The following LHPP variants were observed in gnomAD, a reference collection of about 807,000 sequenced individuals.
LHPP encodes the protein hLHPP.
In LHPP, 24 loss-of-function variants were observed where a neutral mutation model predicts 30.3. The ratio of observed to expected loss-of-function variants is 0.79; its 90% CI spans 0.57 to 1.11. The LOEUF (loss-of-function observed/expected upper bound fraction) is 1.11. LHPP is among the 50% of genes most tolerant of loss of function. The pLI, the probability that LHPP is intolerant of heterozygous loss-of-function variation, is 0.00. For missense variants in LHPP, 356 were observed against 367.2 expected (o/e 0.97, Z 0.25); for synonymous variants, 150 against 157.1 (o/e 0.95, Z 0.34).
intron 6 of LHPP, among the ~76,000 whole-genome samples, chr10:124,603,644 G>A (rs1037281022): frequency 3.9e-5 from 6 of 152,328 alleles, no homozygotes; most frequent in East Asian, 1.9e-4. Context: ...AGGGGAGGGC[G>A]GGTCTCCAAG....
At chr10:124,501,508 G>A (rs1375886212) in intron 5 of LHPP, among the ~76,000 whole-genome samples, 1 of 151,078 alleles carries the variant, frequency 6.6e-6, no homozygotes, top group African/African-American at 2.5e-5. Context: ...AGGCTGAGGT[G>A]GGAGAATTGC....
chr10:124,466,246 C>T (rs1952549375), intron 1 of LHPP, among the ~76,000 whole-genome samples: 3 of 152,144 alleles, frequency 2.0e-5, no homozygotes. Flanking sequence ...ACAGCAAGCA[C>T]ACAGCAGGAT....
At chr10:124,589,891 G>T (rs1041038513) in intron 6 of LHPP, among the ~76,000 whole-genome samples, 1 of 152,138 alleles carries the variant, frequency 6.6e-6, no homozygotes. Context: ...GTCTCAGCGC[G>T]CCCTGGCCGC....
intron 1 of LHPP, among the ~76,000 whole-genome samples, chr10:124,467,709 T>TTTTG (rs1554876628): frequency 2.2e-5 from 3 of 133,974 alleles, no homozygotes; most frequent in Admixed American, 7.5e-5. Flanking sequence ...TGTGTGTGTT[T>TTTTG]TTTGTTGTTG....
At chr10:124,474,630 G>A (rs1195668422) in intron 1 of LHPP, among the ~76,000 whole-genome samples, 1 of 152,012 alleles carries the variant, frequency 6.6e-6, no homozygotes, top group Non-Finnish European at 1.5e-5. Context: ...CCAAACAGCA[G>A]GTCCCATCTC....
At chr10:124,602,891 G>A (rs1216769280) in intron 6 of LHPP, among the ~76,000 whole-genome samples, 5 of 152,316 alleles carry the variant, frequency 3.3e-5, no homozygotes, top group East Asian at 1.9e-4. Context: ...GGTTGCAACC[G>A]CCCACACATG....
chr10:124,539,711 G>A (rs1156953268), intron 6 of LHPP, among the ~76,000 whole-genome samples: 4 of 149,134 alleles, frequency 2.7e-5, no homozygotes, highest in Non-Finnish European at 5.9e-5. Flanking sequence ...ACTCTAGCCT[G>A]GGCGACAGAG....
chr10:124,466,564 A>C (rs7906820), intron 1 of LHPP, among the ~76,000 whole-genome samples: 15,647 of 151,938 alleles, frequency 0.1, 2,173 homozygotes, highest in African/African-American at 0.32. Flanking sequence ...TCAAGTGATT[A>C]TCCTGCCTCA....
chr10:124,505,656 A>G (rs532060422), intron 5 of LHPP, among the ~76,000 whole-genome samples: 15 of 152,352 alleles, frequency 9.8e-5, no homozygotes, highest in Admixed American at 3.9e-4. Context: ...GGTTACTTCT[A>G]GAAATATCTA....
chr10:124,489,803 C>A (rs1953465528), intron 3 of LHPP: 2 of 195,674 alleles, frequency 1.0e-5, no homozygotes, highest in South Asian at 7.8e-5. Context: ...TTATTCAATG[C>A]AAAATAACCC....
intron 6 of LHPP, among the ~76,000 whole-genome samples, chr10:124,527,147 C>T (rs1215149977): frequency 2.0e-5 from 3 of 152,234 alleles, no homozygotes; most frequent in Non-Finnish European, 4.4e-5. Flanking sequence ...TGCTGCTCTG[C>T]GGCTCGGGGA....
At chr10:124,490,356 A>C (rs11245177) in intron 3 of LHPP, 48,980 of 288,078 alleles carry the variant, frequency 0.17, 4,768 homozygotes, top group Admixed American at 0.2. Flanking sequence ...GAGATTCTGG[A>C]TCCCCATGTG....
chr10:124,488,893 T>C (rs898254537), intron 3 of LHPP, among the ~76,000 whole-genome samples: 5 of 151,956 alleles, frequency 3.3e-5, no homozygotes, highest in Admixed American at 3.3e-4. Context: ...TTGTCCCAAG[T>C]TTAGAGCAAA....
At chr10:124,471,073 G>A (rs988394412) in intron 1 of LHPP, among the ~76,000 whole-genome samples, 1 of 152,100 alleles carries the variant, frequency 6.6e-6, no homozygotes, top group African/African-American at 2.4e-5. Flanking sequence ...AGAGTGAAAA[G>A]TCCAAGTCCT....
At chr10:124,520,563 G>C (rs1212263132) in intron 6 of LHPP, among the ~76,000 whole-genome samples, 11 of 152,242 alleles carry the variant, frequency 7.2e-5, no homozygotes, top group Non-Finnish European at 2.9e-5. Context: ...TAAAATGTCA[G>C]ACCTTTTGAT....
intron 6 of LHPP, among the ~76,000 whole-genome samples, chr10:124,604,078 A>C (rs994839921): frequency 2.6e-5 from 4 of 152,206 alleles, no homozygotes; most frequent in African/African-American, 9.7e-5. Flanking sequence ...CTGGATGCAC[A>C]GGCTCCATGG....
chr10:124,483,581 C>A (rs1190114107), intron 1 of LHPP, among the ~76,000 whole-genome samples: 1 of 152,042 alleles, frequency 6.6e-6, no homozygotes, highest in Admixed American at 6.6e-5. Flanking sequence ...CATAGTGAAA[C>A]CCCATCTGTA....
intron 6 of LHPP, among the ~76,000 whole-genome samples, chr10:124,607,996 G>C (rs1352996259): frequency 6.6e-6 from 1 of 152,216 alleles, no homozygotes; most frequent in African/African-American, 2.4e-5. Context: ...ACACAGGCCA[G>C]GCAGAGGTGA....
intron 6 of LHPP, among the ~76,000 whole-genome samples, chr10:124,562,035 G>T (rs182922452): frequency 1.3e-5 from 2 of 152,304 alleles, no homozygotes; most frequent in Non-Finnish European, 2.9e-5. Flanking sequence ...GGCCAGGTAC[G>T]GTGGCTCATG....
Sources: allele counts gnomAD v4.1 joint callset (sites outside exome capture counted in the v4.1 genomes callset), GRCh38; gene constraint gnomAD v4.1.1; transcripts MANE v1.5; gene names NCBI Gene and HGNC (gene_info 2026-07-23, HGNC 2026-07-21).